SCAF4: variants seen among roughly 807,000 people sequenced by gnomAD.
SCAF4 encodes SR-related CTD associated factor 4.
Under a neutral mutation model 129.8 loss-of-function variants are expected in SCAF4, and 25 were observed. That is an observed-to-expected ratio of 0.19 (90% CI 0.14 to 0.27). SCAF4 has a LOEUF of 0.27. SCAF4 is among the 10% of genes least tolerant of loss of function. The pLI is 1.00. For synonymous variants in SCAF4, 551 were observed against 497.7 expected (o/e 1.11, Z -1.43); for missense variants, 1,246 against 1,457.1 (o/e 0.86, Z 2.36).
rs2050180334 is a variant in SCAF4 at position 31,688,366 on chromosome 21, A to T, written c.1984T>A (p.Leu662Ile). The T allele has an allele frequency of 6.2e-7, 1 of 1,613,514 alleles. No individual in the cohort carries two copies. Among genetic ancestry groups the T allele is most frequent in the African/African-American group, 1.3e-5 (1 of 74,934 alleles). ...TEPVSPIPKP[L>I]PVPVPPIPVP... ...GGAATAGGAGGGACAGGCACAGGTA[A>T]TGGTTTAGGTATGGGTGATACTGGT... is the stretch of plus-strand genomic sequence containing the variant. The change falls in exon 16 of 20, where the codon TTA (leucine) becomes ATA (isoleucine). Residue 662 changes from leucine to isoleucine, a missense_variant. This residue lies in a region of SCAF4 where 468 missense variants were observed against 605.5 expected (regional missense o/e 0.77). Coordinates refer to ENST00000286835, the MANE Select transcript of SCAF4 (RefSeq NM_020706.2).
chr21:31,682,460 T>C (rs998913240), intron 19 of SCAF4, among the ~76,000 whole-genome samples: 2 of 152,196 alleles, frequency 1.3e-5, no homozygotes, highest in Non-Finnish European at 2.9e-5. Context: ...AATTTTAGAA[T>C]TGCAAAAGAT....
Position 31,672,254 on chromosome 21 carries a change from T to G in SCAF4, c.2589A>C (p.Pro863=), listed in dbSNP as rs1276083817. 2 of 1,613,132 alleles carry G rather than the reference T, an allele frequency of 1.2e-6. No homozygotes were observed. The highest frequency in any genetic ancestry group is 2.2e-5 in the South Asian group (2 of 90,980). ...RPGLIPLQRP[P]GMPPPHLQRF... is the part of the protein sequence containing the mutation. ...GCTGTAAGTGAGGTGGGGGCATTCC[T>G]GGAGGGCGCTGGAGTGGGATGAGAC... is the stretch of plus-strand genomic sequence containing the variant. The change falls in exon 20 of 20, where the codon CCA becomes CCC. Residue 863 remains proline (P), a synonymous_variant. Transcript: ENST00000286835.
chr21:31,719,935 A>G (rs2051030925), intron 1 of SCAF4, among the ~76,000 whole-genome samples: 1 of 152,210 alleles, frequency 6.6e-6, no homozygotes, highest in South Asian at 2.1e-4. Context: ...AGCTTATCAC[A>G]TTAGGTCATT....
intron 19 of SCAF4, among the ~76,000 whole-genome samples, chr21:31,672,872 A>G (rs751473789): frequency 1.5e-4 from 23 of 152,256 alleles, no homozygotes; most frequent in Non-Finnish European, 2.6e-4. Flanking sequence ...CACTTAGTCC[A>G]TATTATTAAA....
intron 1 of SCAF4, among the ~76,000 whole-genome samples, chr21:31,730,975 C>A (rs2051338049): frequency 6.6e-6 from 1 of 152,314 alleles, no homozygotes; most frequent in South Asian, 2.1e-4. Flanking sequence ...ACTCTTCTCT[C>A]CCATTCAACT....
rs763878349 is a variant in SCAF4, at chr21:31,671,445, A to G, written c.3398T>C (p.Val1133Ala). ...EELPAEATSS[V>A]EPEKDSGSAA... is the part of the protein sequence containing the mutation. ...TGAGCCAGAATCCTTTTCGGGTTCA[A>G]CGGATGAGGTAGCCTCAGCAGGTAA... The change falls in exon 20 of 20, where the codon GTT (valine) becomes GCT (alanine). Residue 1133 changes from valine to alanine, a missense_variant. By Grantham distance (64) the Val-to-Ala change is moderately conservative. Transcript: ENST00000286835. The G allele has an allele frequency of 6.2e-6, 10 of 1,613,992 alleles. No homozygotes were observed. The East Asian group carries it at 1.8e-4, about 29-fold the overall frequency.
chr21:31,731,814 C>G lies in SCAF4; in HGVS notation c.-122G>C. 1 of 1,180,396 alleles carries G rather than the reference C, an allele frequency of 8.5e-7. No individual in the cohort carries two copies. The highest frequency in any genetic ancestry group is 1.1e-6 in the Non-Finnish European group (1 of 891,146). The allele number at this position is 1,180,396 out of a possible 1,614,324, so 73.1% of individuals were successfully genotyped here. Reference sequence around the variant, plus strand: ...GGGGGGAGGCGACGAGCGGCGGAGTCCGAGGCCCGGGCAGGAAGAGGCTGC... The same window carrying G: ...GGGGGGAGGCGACGAGCGGCGGAGTGCGAGGCCCGGGCAGGAAGAGGCTGC... On this transcript the variant is annotated 5_prime_UTR_variant, in exon 1 of 20. Transcript: ENST00000286835.
chr21:31,697,110 C>T (rs1601221278), intron 7 of SCAF4, among the ~76,000 whole-genome samples: 3 of 152,258 alleles, frequency 2.0e-5, no homozygotes, highest in Middle Eastern at 3.4e-3. Flanking sequence ...AATGGGTATA[C>T]ATTTTCAGTC....
Position 31,732,050 on chromosome 21 carries a change from G to C in SCAF4, c.-358C>G, listed in dbSNP as rs1319511071. Reference sequence around the variant, plus strand: ...ACACTGGCCCGGCCGGCGAGCGGGCGGGCCTCTCTCTCCCTCTCTCCAGCG... The same window carrying C: ...ACACTGGCCCGGCCGGCGAGCGGGCCGGCCTCTCTCTCCCTCTCTCCAGCG... On this transcript the variant is annotated 5_prime_UTR_variant, in exon 1 of 20. Transcript: ENST00000286835. 2 of 428,970 alleles carry C rather than the reference G, an allele frequency of 4.7e-6. No homozygotes were observed. Among genetic ancestry groups the C allele is most frequent in the African/African-American group, 2.1e-5 (1 of 48,490 alleles). 26.6% of individuals were successfully genotyped at this position (428,970 alleles called of 1,614,324 possible). A position where few individuals can be genotyped will look rare whatever the true frequency, so the allele number is the denominator to read the frequency against.
At position 31,731,846 on chromosome 21, in the gene SCAF4, A is replaced by G; in HGVS notation, c.-154T>C. The G allele has an allele frequency of 1.2e-6, 1 of 838,966 alleles. No homozygotes were observed. Among genetic ancestry groups the G allele is most frequent in the Non-Finnish European group, 1.7e-6 (1 of 593,986 alleles). 52.0% of individuals were successfully genotyped at this position (838,966 alleles called of 1,614,324 possible). ...CCGGGCAGGAAGAGGCTGCGCCCGA[A>G]GCGGCGAGGCGGGCGGCCGAGGCAG... On this transcript the variant is annotated 5_prime_UTR_variant, in exon 1 of 20. Transcript: ENST00000286835.
At chr21:31,731,413 G>C (rs998006246) in intron 1 of SCAF4, among the ~76,000 whole-genome samples, 5 of 152,334 alleles carry the variant, frequency 3.3e-5, no homozygotes, top group South Asian at 2.1e-4. Flanking sequence ...GAGGCCGCAA[G>C]GGGGCGAGGG....
chr21:31,723,281 G>A (rs1203350094), intron 1 of SCAF4, among the ~76,000 whole-genome samples: 2 of 151,992 alleles, frequency 1.3e-5, no homozygotes, highest in African/African-American at 2.4e-5. Flanking sequence ...GTGAAACGCC[G>A]TCCCTACTTA....
chr21:31,700,265 C>T (rs1257297731), intron 7 of SCAF4, among the ~76,000 whole-genome samples: 3 of 150,568 alleles, frequency 2.0e-5, no homozygotes, highest in Non-Finnish European at 4.4e-5. Context: ...AATACACACA[C>T]ATATATATTA....
At chr21:31,721,192 G>A (rs938139888) in intron 1 of SCAF4, among the ~76,000 whole-genome samples, 3 of 151,962 alleles carry the variant, frequency 2.0e-5, no homozygotes, top group Non-Finnish European at 2.9e-5. Flanking sequence ...CTGTCTCTAC[G>A]GGTTTGCTTT....
chr21:31,728,029 TTCTG>T (rs2051251758), intron 1 of SCAF4, among the ~76,000 whole-genome samples: 1 of 152,208 alleles, frequency 6.6e-6, no homozygotes, highest in African/African-American at 2.4e-5. Context: ...CTTCCTTTCC[TTCTG>T]TATCAGAGAT....
intron 19 of SCAF4, among the ~76,000 whole-genome samples, chr21:31,680,198 G>A (rs1430142428): frequency 2.0e-5 from 3 of 152,158 alleles, no homozygotes; most frequent in South Asian, 2.1e-4. Context: ...GACAGCCCAG[G>A]AGAAATGGAG....
chr21:31,709,361 A>AAAAAAAAG (rs549879115), intron 1 of SCAF4, among the ~76,000 whole-genome samples: 1 of 151,324 alleles, frequency 6.6e-6, no homozygotes. Flanking sequence ...AAAAAAAAAA[A>AAAAAAAAG]AAAGAAAGAA....
At chr21:31,717,290 A>G (rs1568861312) in intron 1 of SCAF4, among the ~76,000 whole-genome samples, 1 of 152,178 alleles carries the variant, frequency 6.6e-6, no homozygotes, top group Non-Finnish European at 1.5e-5. Context: ...ATAATTATTG[A>G]GAAAATGACA....
chr21:31,704,821 T>C (rs2050617570), intron 3 of SCAF4, among the ~76,000 whole-genome samples: 2 of 152,208 alleles, frequency 1.3e-5, no homozygotes, highest in African/African-American at 4.8e-5. Flanking sequence ...TTACTAACCA[T>C]CTTTTTTGCC....
Sources: gnomAD v4.1 joint callset for allele counts (sites outside exome capture counted in the v4.1 genomes callset) on GRCh38, gnomAD v4.1.1 for gene constraint, gnomAD v4.1.1 regional missense constraint, MANE v1.5 for transcripts, NCBI Gene and HGNC (gene_info 2026-07-23, HGNC 2026-07-21) for gene names.